Variants in DOCK1 observed in about 807,000 individuals in gnomAD.
DOCK1 encodes the protein dedicator of cytokinesis 1.
In DOCK1, 138 loss-of-function variants were observed where a neutral mutation model predicts 262.7. The observed-to-expected ratio is 0.53, with a 90% CI of 0.46 to 0.61. The LOEUF (loss-of-function observed/expected upper bound fraction) is 0.61, where lower values mean the gene tolerates loss of function less well. DOCK1 is among the 20% of genes least tolerant of loss of function. The probability of loss-of-function intolerance (pLI) is 0.00; values close to 1 mark genes in which losing one functional copy is unlikely to be tolerated. For synonymous variants in DOCK1, 866 were observed against 867.4 expected, an observed-to-expected ratio of 1.00 and a Z score of 0.03; for missense variants, 1,908 against 2,370.7, an observed-to-expected ratio of 0.80 and a Z score of 4.05.
intron 1 of DOCK1, among the ~76,000 whole-genome samples, chr10:126,938,641 C>A (rs1454299946): frequency 6.6e-5 from 10 of 152,246 alleles, no homozygotes; most frequent in African/African-American, 2.4e-4. Context: ...TCTCATAGTT[C>A]TGGAGGCTGG....
rs1034988900 is a variant in DOCK1, at chr10:126,959,568, G to T, written c.47-11134G>T. Among the ~76,000 whole-genome samples, 5 of 152,186 alleles carry T rather than the reference G, an allele frequency of 3.3e-5. No individual in the cohort carries two copies. The East Asian group carries it at 7.7e-4, about 24-fold the overall frequency. On this transcript the variant is annotated intron_variant, in intron 1 of 51. Coordinates refer to ENST00000623213, the MANE Select transcript of DOCK1 (RefSeq NM_001290223.2). ...CACATGGAAGGGGAGACCCTCTGAC[G>T]TGCCAGGCTGCATCTTCCCCAGGTG...
At chr10:127,438,906 T>C (rs1173968421) in intron 48 of DOCK1, 121 bp from the exon 49 acceptor site, 1 of 1,040,452 alleles carries the variant, frequency 9.6e-7, no homozygotes, top group East Asian at 2.6e-5. Context: ...ACCCTTGGCC[T>C]CCCTTTTAAA....
At chr10:127,179,321 TCTC>T (rs2133945088) in intron 27 of DOCK1, among the ~76,000 whole-genome samples, 1 of 152,356 alleles carries the variant, frequency 6.6e-6, no homozygotes, top group South Asian at 2.1e-4. Context: ...TCTAAGCTCT[TCTC>T]TGTTTTATAG....
intron 1 of DOCK1, among the ~76,000 whole-genome samples, chr10:126,931,499 A>C (rs1041872776): frequency 6.6e-5 from 10 of 151,834 alleles, no homozygotes; most frequent in Non-Finnish European, 1.3e-4. Context: ...AGCTGAGCAC[A>C]GGGAACACAA....
At chr10:127,441,384 C>T (rs1178061787) in intron 49 of DOCK1, among the ~76,000 whole-genome samples, 3 of 152,180 alleles carry the variant, frequency 2.0e-5, no homozygotes, top group Admixed American at 2.0e-4. Context: ...AGAACCTTGG[C>T]GGTGCTTCTC....
intron 13 of DOCK1, 42 bp from the exon 14 acceptor site, chr10:127,023,158 A>T (rs2042566276): frequency 1.2e-6 from 2 of 1,608,234 alleles, no homozygotes; most frequent in Admixed American, 1.7e-5. Context: ...TACGCTATTA[A>T]TAATGGATTG....
chr10:127,137,659 A>C (rs1426552798), intron 27 of DOCK1: 2 of 524,858 alleles, frequency 3.8e-6, no homozygotes, highest in East Asian at 5.8e-5. Context: ...GTGACACAGA[A>C]TACCTTGCTT....
At chr10:127,355,582 GGACAC>G (rs1321268166) in intron 32 of DOCK1, among the ~76,000 whole-genome samples, 1 of 152,142 alleles carries the variant, frequency 6.6e-6, no homozygotes, top group African/African-American at 2.4e-5. Context: ...TCCTTCAAAT[GGACAC>G]GAGAAGCCTG....
chr10:127,444,631 C>T (rs1203967937), intron 50 of DOCK1, among the ~76,000 whole-genome samples: 3 of 152,258 alleles, frequency 2.0e-5, no homozygotes, highest in South Asian at 2.1e-4. Context: ...TAGGACTGTG[C>T]ACTGGAGAAG....
At chr10:127,034,298 G>A (rs1453767509) in intron 18 of DOCK1, among the ~76,000 whole-genome samples, 1 of 152,184 alleles carries the variant, frequency 6.6e-6, no homozygotes, top group African/African-American at 2.4e-5. Flanking sequence ...CAGGCAGAGA[G>A]AGAGAGAAAG....
chr10:127,449,735 G>A (rs930520414), intron 51 of DOCK1, among the ~76,000 whole-genome samples: 2 of 152,114 alleles, frequency 1.3e-5, no homozygotes, highest in African/African-American at 4.8e-5. Flanking sequence ...TCATCCATCT[G>A]CCATGATGGG....
intron 29 of DOCK1, among the ~76,000 whole-genome samples, chr10:127,291,204 C>G (rs1415441004): frequency 6.6e-6 from 1 of 152,182 alleles, no homozygotes; most frequent in Non-Finnish European, 1.5e-5. Context: ...AGAGGCTCAC[C>G]GTGCTTAAGT....
intron 1 of DOCK1, among the ~76,000 whole-genome samples, chr10:126,947,002 C>A (rs1424175103): frequency 6.6e-6 from 1 of 152,238 alleles, no homozygotes; most frequent in Non-Finnish European, 1.5e-5. Context: ...GTCCCCCCAT[C>A]CCTGGCCCAT....
intron 4 of DOCK1, among the ~76,000 whole-genome samples, chr10:126,984,160 C>G (rs2039183827): frequency 6.6e-6 from 1 of 152,086 alleles, no homozygotes; most frequent in African/African-American, 2.4e-5. Context: ...TTGCGTTTCC[C>G]TCTTCAGCTG....
At chr10:127,440,141 G>T in intron 49 of DOCK1, among the ~76,000 whole-genome samples, 1 of 128,030 alleles carries the variant, frequency 7.8e-6, no homozygotes, top group Admixed American at 8.9e-5. Flanking sequence ...CGTGTCACAT[G>T]GTGAGAAAGA....
At chr10:127,376,709 G>T (rs908827955) in intron 35 of DOCK1, among the ~76,000 whole-genome samples, 2 of 152,096 alleles carry the variant, frequency 1.3e-5, no homozygotes, top group African/African-American at 4.8e-5. Flanking sequence ...ATCCTTAAGG[G>T]GATCTAAGAG....
chr10:127,046,540 G>A (rs188353972), intron 21 of DOCK1, among the ~76,000 whole-genome samples: 1 of 152,148 alleles, frequency 6.6e-6, no homozygotes, highest in East Asian at 1.9e-4. Flanking sequence ...GATCATTTGA[G>A]GTCAGGAGTT....
At chr10:126,934,701 C>T (rs1297332419) in intron 1 of DOCK1, among the ~76,000 whole-genome samples, 2 of 148,032 alleles carry the variant, frequency 1.4e-5, no homozygotes, top group East Asian at 3.9e-4. Context: ...TAACTTTGTG[C>T]ATGGCTTGCT....
chr10:127,328,893 C>T (rs2062856342), intron 29 of DOCK1, among the ~76,000 whole-genome samples: 1 of 151,676 alleles, frequency 6.6e-6, no homozygotes, highest in African/African-American at 2.4e-5. Flanking sequence ...GAAACATGCC[C>T]TCTTTCCTTC....
Sources: gnomAD v4.1 joint callset for allele counts (sites outside exome capture counted in the v4.1 genomes callset) on GRCh38, gnomAD v4.1.1 for gene constraint, MANE v1.5 for transcripts, NCBI Gene and HGNC (gene_info 2026-07-23, HGNC 2026-07-21) for gene names.